Variants in SNX29 observed in about 807,000 individuals in gnomAD.
The protein encoded by SNX29 is sorting nexin-29.
In SNX29, 78 loss-of-function variants were observed where a neutral mutation model predicts 102.1. That is an observed-to-expected ratio of 0.76 (90% confidence interval 0.64 to 0.92). SNX29 has a LOEUF of 0.92. Ranked by LOEUF, SNX29 falls within the 40% of genes least tolerant of loss-of-function variation. The probability of loss-of-function intolerance (pLI) is 0.00; values close to 1 mark genes in which losing one functional copy is unlikely to be tolerated. For synonymous variants in SNX29, 580 were observed against 414.5 expected (o/e 1.40, Z -4.85); for missense variants, 1,280 against 1,061.7 (o/e 1.21, Z -2.86).
intron 10 of SNX29, among the ~76,000 whole-genome samples, chr16:12,077,387 GT>G (rs2051630596): frequency 1.3e-4 from 3 of 22,468 alleles, no homozygotes; most frequent in African/African-American, 1.3e-3. Flanking sequence ...CCTAGTCATG[GT>G]GTGTGTGTGT....
chr16:12,372,900 C>A (rs1031639526), intron 16 of SNX29: 4 of 152,132 alleles, frequency 2.6e-5, no homozygotes, highest in Non-Finnish European at 5.9e-5. Context: ...ACACTCCTAC[C>A]TGCAGACAGG....
In SNX29 at chr16:12,204,469, G is replaced by A. The variant is rs145195751; in HGVS notation, c.1678+4786G>A. Among the ~76,000 whole-genome samples, 37 of 152,254 alleles carry A rather than the reference G, an allele frequency of 2.4e-4. 2 individuals carry two copies. The East Asian group carries it at 7.1e-3, about 29-fold the overall frequency. ...CTCCCCTCTTACTGGATGCTCCACT[G>A]TCATAACTGTTCATGGCCACCATAG... On this transcript the variant is annotated intron_variant, in intron 14 of 20. Coordinates refer to ENST00000566228, the MANE Select transcript of SNX29 (RefSeq NM_032167.5).
chr16:12,215,843 T>G (rs2077309761), intron 14 of SNX29, among the ~76,000 whole-genome samples: 1 of 152,210 alleles, frequency 6.6e-6, no homozygotes, highest in African/African-American at 2.4e-5. Flanking sequence ...GGCTGTACCT[T>G]TAATTACTGC....
At chr16:12,566,140 TTTGCCTACAGAAACACAGCTAG>T (rs2078995443) in intron 20 of SNX29, among the ~76,000 whole-genome samples, 1 of 152,182 alleles carries the variant, frequency 6.6e-6, no homozygotes, top group Non-Finnish European at 1.5e-5. Context: ...AGGGCAGGCA[TTTGCCTACAGAAACACAGCTAG>T]TTGGTGGCTT....
chr16:12,218,231 T>C (rs1367216943), intron 14 of SNX29, among the ~76,000 whole-genome samples: 2 of 152,254 alleles, frequency 1.3e-5, no homozygotes, highest in African/African-American at 4.8e-5. Context: ...ATGCCCTTTA[T>C]AACAAGTCTA....
intron 15 of SNX29, among the ~76,000 whole-genome samples, chr16:12,337,248 G>C (rs1301747475): frequency 1.3e-5 from 2 of 152,048 alleles, no homozygotes; most frequent in Non-Finnish European, 2.9e-5. Flanking sequence ...GCTGGAGATA[G>C]GTATATTAAT....
At chr16:12,512,907 C>T (rs533887732) in intron 19 of SNX29, among the ~76,000 whole-genome samples, 3 of 152,104 alleles carry the variant, frequency 2.0e-5, no homozygotes, top group Non-Finnish European at 2.9e-5. Context: ...CTTCCCAGTC[C>T]GTCACCAAAG....
intron 19 of SNX29, among the ~76,000 whole-genome samples, chr16:12,493,097 C>T (rs2088633026): frequency 6.6e-6 from 1 of 152,170 alleles, no homozygotes; most frequent in Non-Finnish European, 1.5e-5. Context: ...ATGGGGATGG[C>T]ATTGCATCTA....
At chr16:12,502,357 G>A (rs953886774) in intron 19 of SNX29, among the ~76,000 whole-genome samples, 1 of 152,164 alleles carries the variant, frequency 6.6e-6, no homozygotes. Context: ...CCTTACGAGG[G>A]CGCTGTGAGG....
At chr16:12,134,348 G>C (rs1597009694) in intron 13 of SNX29, among the ~76,000 whole-genome samples, 1 of 152,198 alleles carries the variant, frequency 6.6e-6, no homozygotes, top group Non-Finnish European at 1.5e-5. Context: ...CTGTGAATTA[G>C]GACTCTGAGG....
At chr16:12,015,691 G>T (rs1454604109) in intron 3 of SNX29, among the ~76,000 whole-genome samples, 6 of 129,550 alleles carry the variant, frequency 4.6e-5, no homozygotes, top group Non-Finnish European at 6.6e-5. Flanking sequence ...GCCCGCCACC[G>T]TGCCCGGCTA....
chr16:12,532,934 C>A (rs1020872491), intron 20 of SNX29, among the ~76,000 whole-genome samples: 19 of 152,266 alleles, frequency 1.2e-4, no homozygotes, highest in African/African-American at 4.3e-4. Context: ...TCCTCCTCTG[C>A]TGCCAAGTTG....
At chr16:12,481,456 A>T (rs2087911133) in intron 19 of SNX29, among the ~76,000 whole-genome samples, 1 of 70,382 alleles carries the variant, frequency 1.4e-5, no homozygotes, top group Non-Finnish European at 2.5e-5. Flanking sequence ...ACATATATAC[A>T]TATATATATA....
intron 20 of SNX29, among the ~76,000 whole-genome samples, chr16:12,556,820 CAGA>C (rs1209713922): frequency 1.2e-4 from 19 of 152,058 alleles, no homozygotes; most frequent in African/African-American, 4.6e-4. Context: ...TACAGAAGCC[CAGA>C]GGAGGAACAG....
At chr16:12,148,902 A>T (rs1409993376) in intron 13 of SNX29, among the ~76,000 whole-genome samples, 2 of 151,834 alleles carry the variant, frequency 1.3e-5, no homozygotes, top group East Asian at 3.9e-4. Flanking sequence ...GGGTTTCTCC[A>T]TGTTTGTCAG....
At chr16:12,440,279 C>T (rs1407267306) in intron 18 of SNX29, among the ~76,000 whole-genome samples, 4 of 152,136 alleles carry the variant, frequency 2.6e-5, no homozygotes, top group African/African-American at 7.2e-5. Flanking sequence ...ACGATTCAGT[C>T]ACTTTTTAGG....
At chr16:12,242,365 ATATTTTTT>A (rs1455879167) in intron 14 of SNX29, among the ~76,000 whole-genome samples, 1 of 133,248 alleles carries the variant, frequency 7.5e-6, no homozygotes, top group African/African-American at 2.9e-5. Context: ...ATATATATAT[ATATTTTTT>A]TTTTTTTTTT....
chr16:12,410,699 G>T (rs1307682012), intron 18 of SNX29, among the ~76,000 whole-genome samples: 1 of 152,206 alleles, frequency 6.6e-6, no homozygotes, highest in Non-Finnish European at 1.5e-5. Context: ...CTCCCAAAGT[G>T]CTGGGATTAC....
intron 20 of SNX29, among the ~76,000 whole-genome samples, chr16:12,540,834 A>G (rs758436957): frequency 2.6e-5 from 4 of 152,178 alleles, no homozygotes; most frequent in Non-Finnish European, 2.9e-5. Flanking sequence ...AAAAGAAACA[A>G]GATCGCCTCC....
Sources: gnomAD v4.1 joint callset for allele counts (sites outside exome capture counted in the v4.1 genomes callset) on GRCh38, gnomAD v4.1.1 for gene constraint, MANE v1.5 for transcripts, NCBI Gene and HGNC (gene_info 2026-07-23, HGNC 2026-07-21) for gene names.